CNTRL: variants seen among roughly 807,000 people sequenced by gnomAD.
CNTRL encodes 110 kDa centrosomal protein.
CNTRL carries 233 observed loss-of-function variants against 303.7 expected under a neutral mutation model. That is an observed-to-expected ratio of 0.77 (90% CI 0.69 to 0.86). The LOEUF is 0.86. Ranked by LOEUF, CNTRL falls within the 40% of genes least tolerant of loss-of-function variation. CNTRL has a pLI of 0.00. For missense variants in CNTRL, 2,524 were observed against 2,650.6 expected, an observed-to-expected ratio of 0.95 and a Z score of 1.05; for synonymous variants, 900 against 922.2, an observed-to-expected ratio of 0.98 and a Z score of 0.44.
chr9:121,141,613 G>C, intron 18 of CNTRL, 25 bp downstream of exon 18: 2 of 1,599,586 alleles, frequency 1.3e-6, no homozygotes, highest in Non-Finnish European at 1.7e-6. Context: ...AGAGGCACCT[G>C]GAGGGAAGTG....
intron 7 of CNTRL, among the ~76,000 whole-genome samples, chr9:121,102,312 CAATA>C (rs1392504594): frequency 1.3e-5 from 2 of 152,142 alleles, no homozygotes; most frequent in Non-Finnish European, 1.5e-5. Context: ...ATTATTATCT[CAATA>C]GATGGAGAAA....
In CNTRL at chr9:121,148,696, A is replaced by T. The variant is rs1343960629; in HGVS notation, c.3484A>T (p.Thr1162Ser). 3 of 1,613,734 alleles carry T rather than the reference A, an allele frequency of 1.9e-6. No individual in the cohort carries two copies. The East Asian group carries it at 6.7e-5, about 36-fold the overall frequency. ...SKVSSHSSQA[T>S]KDSGVGLKYS... ...GGTTTCCAGCCATAGTTCCCAGGCC[A>T]CCAAGGACTCTGGTGTTGGCCTTAA... Residue 1162 changes from threonine to serine, a missense_variant, in exon 24 of 44, where the codon ACC becomes TCC. Physicochemically the swap from Thr to Ser is moderately conservative, Grantham distance 58 (BLOSUM62 1). Transcript: ENST00000373855.
chr9:121,090,176 G>A lies in CNTRL; in HGVS notation c.218-99G>A, dbSNP rs918577728. Reference sequence around the variant, plus strand: ...AGCCAGCTTTTTTGGTATATTCATGGCTTAATTTTTGTTTTTGTTACATAA... The same window carrying A: ...AGCCAGCTTTTTTGGTATATTCATGACTTAATTTTTGTTTTTGTTACATAA... On this transcript the variant is annotated intron_variant, in intron 3 of 43. Transcript: ENST00000373855. 48 of 999,832 alleles carry A rather than the reference G, an allele frequency of 4.8e-5. 1 individual carries two copies. In the South Asian group the frequency reaches 1.0e-3, roughly 22 times the overall value. The allele number at this position is 999,832 out of a possible 1,614,324, so 61.9% of individuals were successfully genotyped here. A position where few individuals can be genotyped will look rare whatever the true frequency, so the allele number is the denominator to read the frequency against.
rs906174479 is a variant in CNTRL, at chr9:121,131,447, T to C, written c.2026-4359T>C. Among the ~76,000 whole-genome samples the C allele has an allele frequency of 4.6e-5, 7 of 152,348 alleles. No homozygotes were observed. In the East Asian group the frequency reaches 1.2e-3, roughly 25 times the overall value. ...AAGTCTGTTTTATCAGAGACTAGGATTGCAGGCCCTGCTTTTTTTTGCTTT... is the reference window on the plus strand; with the variant it reads ...AAGTCTGTTTTATCAGAGACTAGGACTGCAGGCCCTGCTTTTTTTTGCTTT... On this transcript the variant is annotated intron_variant, in intron 14 of 43. Coordinates refer to ENST00000373855, the MANE Select transcript of CNTRL (RefSeq NM_007018.6).
At position 121,150,407 on chromosome 9, in the gene CNTRL, C is replaced by T; in HGVS notation, c.3887C>T (p.Pro1296Leu). 3.1e-6 allele frequency: 5 copies of T among 1,614,136 alleles called. No homozygotes were observed. The highest frequency in any genetic ancestry group is 4.2e-6 in the Non-Finnish European group (5 of 1,180,030). Residue 1296 changes from proline (P) to leucine (L), a missense_variant, in exon 25 of 44, where the codon CCT becomes CTT. Physicochemically the swap from Pro to Leu is moderately conservative, Grantham distance 98. Transcript: ENST00000373855. ...PPAGAPMVYG[P>L]PPPNFSIPFI... ...GCTGGGGCCCCCATGGTGTATGGGCCTCCACCCCCCAACTTCTCCATCCCC... is the reference window on the plus strand; with the variant it reads ...GCTGGGGCCCCCATGGTGTATGGGCTTCCACCCCCCAACTTCTCCATCCCC...
In CNTRL at chr9:121,168,306, A is replaced by C; in HGVS notation, c.6055A>C (p.Thr2019Pro). 1.2e-6 allele frequency: 2 copies of C among 1,613,924 alleles called. No homozygotes were observed. The highest frequency in any genetic ancestry group is 1.7e-6 in the Non-Finnish European group (2 of 1,179,854). Residue 2019 changes from threonine (T) to proline (P), a missense_variant, in exon 38 of 44, where the codon ACA becomes CCA. Physicochemically the swap from Thr to Pro is conservative, Grantham distance 38 (BLOSUM62 -1). Coordinates refer to ENST00000373855, the MANE Select transcript of CNTRL (RefSeq NM_007018.6). ...GAGGTGGTGTGAGAGCCTGGAGAAG[A>C]CACTCTCCCAAACTAGTATGTATTC... ...EERWCESLEK[T>P]LSQTKRQLSE...
At chr9:121,077,938 C>T (rs972661809) in intron 1 of CNTRL, among the ~76,000 whole-genome samples, 3 of 150,904 alleles carry the variant, frequency 2.0e-5, no homozygotes, top group African/African-American at 7.3e-5. Flanking sequence ...AGAGAAAGAC[C>T]TTGCCTCAGG....
At chr9:121,096,039 G>A (rs1276073608) in intron 5 of CNTRL, among the ~76,000 whole-genome samples, 1 of 152,122 alleles carries the variant, frequency 6.6e-6, no homozygotes, top group Non-Finnish European at 1.5e-5. Context: ...ACAATAATTA[G>A]GAACATCTTT....
intron 10 of CNTRL, 81 bp from the exon 11 acceptor site, chr9:121,115,010 A>G: frequency 1.2e-6 from 1 of 867,138 alleles, no homozygotes; most frequent in Non-Finnish European, 1.8e-6. Context: ...GTTATTACAA[A>G]GAAAGAATAC....
In CNTRL at chr9:121,145,307, G is replaced by A. The variant is rs769882364; in HGVS notation, c.3232G>A (p.Glu1078Lys). Residue 1078 changes from glutamate (E) to lysine (K), a missense_variant, in exon 22 of 44, where the codon GAG (glutamate) becomes AAG (lysine). Transcript: ENST00000373855. ...TGANSQVLEI[E>K]KLNETMERQR... is the part of the protein sequence containing the mutation. ...AGCAAACTCACAGGTCCTAGAAATT[G>A]AGAAACTGAATGAGACAATGGAACG... The A allele has an allele frequency of 1.4e-5, 23 of 1,614,096 alleles. No individual in the cohort carries two copies. In the Middle Eastern group the frequency reaches 1.6e-3, roughly 116 times the overall value.
At chr9:121,090,556 T>A in intron 4 of CNTRL, 151 bp downstream of exon 4, 1 of 718,264 alleles carries the variant, frequency 1.4e-6, no homozygotes, top group Non-Finnish European at 2.2e-6. Context: ...ATATGACATT[T>A]CCAAATTAAT....
intron 14 of CNTRL, among the ~76,000 whole-genome samples, chr9:121,131,191 A>G (rs1259094430): frequency 6.6e-6 from 1 of 152,072 alleles, no homozygotes; most frequent in Non-Finnish European, 1.5e-5. Flanking sequence ...ATCCTTGTTA[A>G]CCTTCTGTCT....
At position 121,140,776 on chromosome 9, in the gene CNTRL, G is replaced by A. The variant is rs1413581814; in HGVS notation, c.2473G>A (p.Gly825Arg). 6.2e-7 allele frequency: 1 copy of A among 1,611,590 alleles called. No individual in the cohort carries two copies. Among genetic ancestry groups the A allele is most frequent in the Middle Eastern group, 1.7e-4 (1 of 6,048 alleles). The change falls in exon 17 of 44, where the codon GGG (glycine) becomes AGG (arginine). Residue 825 changes from glycine to arginine, a missense_variant. Coordinates refer to ENST00000373855, the MANE Select transcript of CNTRL (RefSeq NM_007018.6). ...AAGAAGAAAACTGAAATTAGGAACT[G>A]GGGAAATGAAGTAAGGAAAAAGCAA... ...ELRRKLKLGT[G>R]EMNIHSPSDV...
chr9:121,125,856 T>A lies in CNTRL; in HGVS notation c.1945T>A (p.Leu649Met), dbSNP rs1404187271. ...CRKLRDEKET[L>M]LQRLTEVEQE... ...GAAGCTGCGGGATGAGAAAGAGACA[T>A]TGTTGCAGAGATTGACAGAAGTCGA... The change falls in exon 14 of 44, where the codon TTG becomes ATG. Residue 649 changes from leucine (L) to methionine (M), a missense_variant. Transcript: ENST00000373855. 1.2e-6 allele frequency: 2 copies of A among 1,614,024 alleles called. No homozygotes were observed. The highest frequency in any genetic ancestry group is 2.7e-5 in the African/African-American group (2 of 74,910).
intron 10 of CNTRL, 61 bp downstream of exon 10, chr9:121,113,785 C>G (rs1158750944): frequency 2.6e-6 from 3 of 1,160,678 alleles, no homozygotes; most frequent in Non-Finnish European, 3.4e-6. Flanking sequence ...ATATGTAGGC[C>G]AATTTTGTTT....
rs2053407933 is a variant in CNTRL at position 121,173,717 on chromosome 9, C to T, written c.6727C>T (p.His2243Tyr). The T allele has an allele frequency of 1.2e-6, 2 of 1,614,128 alleles. No individual in the cohort carries two copies. The highest frequency in any genetic ancestry group is 8.5e-7 in the Non-Finnish European group (1 of 1,179,994). ...RGEALREKLR[H>Y]REDRLKAQLR... ...AGAAGCACTCCGGGAGAAACTGCGT[C>T]ACCGGGAAGACCGACTCAAGGTTGC... Residue 2243 changes from histidine to tyrosine, a missense_variant, in exon 42 of 44, where the codon CAC becomes TAC. Physicochemically the swap from His to Tyr is moderately conservative, Grantham distance 83. Coordinates refer to ENST00000373855, the MANE Select transcript of CNTRL (RefSeq NM_007018.6).
At chr9:121,083,866 A>C (rs972343274) in intron 2 of CNTRL, among the ~76,000 whole-genome samples, 1 of 152,170 alleles carries the variant, frequency 6.6e-6, no homozygotes, top group Non-Finnish European at 1.5e-5. Context: ...GCTTTATTAT[A>C]ATCTTACGGG....
rs1304950833 is a variant in CNTRL at position 121,092,664 on chromosome 9, CTA to C, written c.349-2215_349-2214del. On this transcript the variant is annotated intron_variant, in intron 4 of 43. Coordinates refer to ENST00000373855, the MANE Select transcript of CNTRL (RefSeq NM_007018.6). ...ATATATATCTATATATAATATATAT[CTA>C]TATATATAATATATATCTATATATA... Among the ~76,000 whole-genome samples the C allele has an allele frequency of 2.1e-3, 27 of 12,970 alleles. 6 individuals are homozygous for C. Among genetic ancestry groups the C allele is most frequent in the African/African-American group, 4.4e-3 (21 of 4,732 alleles). 8.5% of individuals were successfully genotyped at this position (12,970 alleles called of 152,430 possible). A position where few individuals can be genotyped will look rare whatever the true frequency, so the allele number is the denominator to read the frequency against.
Position 121,152,674 on chromosome 9 carries a change from CAGA to C in CNTRL, c.4155_4157del (p.Lys1386del), listed in dbSNP as rs2052346640. On this transcript the variant is annotated inframe_deletion, in exon 26 of 44. Transcript: ENST00000373855. The stretch of plus-strand genomic sequence containing the variant: ...AGTAGAAGAATTACATAGAACTGTC[CAGA>C]AACGTCAACAGCAAAAGTAATTAAT... 6.2e-7 allele frequency: 1 copy of C among 1,609,942 alleles called. No individual in the cohort carries two copies. The highest frequency in any genetic ancestry group is 8.5e-7 in the Non-Finnish European group (1 of 1,177,684).
Sources: gnomAD v4.1 joint callset for allele counts (sites outside exome capture counted in the v4.1 genomes callset) on GRCh38, gnomAD v4.1.1 for gene constraint, MANE v1.5 for transcripts, NCBI Gene and HGNC (gene_info 2026-07-23, HGNC 2026-07-21) for gene names.